Variants in TMEM150C observed in about 807,000 individuals in gnomAD.
TMEM150C encodes tentonin 3.
In TMEM150C, 10 loss-of-function variants were observed where a neutral mutation model predicts 29.9. The observed-to-expected ratio is 0.33, with a 90% confidence interval of 0.21 to 0.57. The LOEUF is 0.57. TMEM150C is among the 20% of genes least tolerant of loss of function. The pLI is 0.88. For missense variants in TMEM150C, 251 were observed against 303.6 expected, an observed-to-expected ratio of 0.83 and a Z score of 1.29; for synonymous variants, 101 against 112.5, an observed-to-expected ratio of 0.90 and a Z score of 0.64.
Position 82,524,495 on chromosome 4 carries a change from C to T in TMEM150C, c.-10-19828G>A, listed in dbSNP as rs376274692. ...CTTCTTTTAAATCGCAAACAAATTA[C>T]TTGCAGCTTTCTTTAGTCTCTGCAG... On this transcript the variant is annotated intron_variant, in intron 1 of 7. Coordinates refer to ENST00000449862, the MANE Select transcript of TMEM150C (RefSeq NM_001080506.3). Among the ~76,000 whole-genome samples, 19 of 152,290 alleles carry T rather than the reference C, an allele frequency of 1.2e-4. 1 individual carries two copies. The highest frequency in any genetic ancestry group is 4.3e-4 in the African/African-American group (18 of 41,552).
At chr4:82,495,962 A>C (rs1184370786) in intron 6 of TMEM150C, 106 bp downstream of exon 6, 1 of 1,426,300 alleles carries the variant, frequency 7.0e-7, no homozygotes. Flanking sequence ...AGGTTTGTGC[A>C]GAATTATATG....
chr4:82,500,693 C>G (rs948772705), intron 5 of TMEM150C, among the ~76,000 whole-genome samples: 2 of 151,966 alleles, frequency 1.3e-5, no homozygotes, highest in African/African-American at 4.8e-5. Context: ...CAATCATAAG[C>G]CTTATAACTG....
At chr4:82,535,720 G>C (rs1295908000) in intron 1 of TMEM150C, among the ~76,000 whole-genome samples, 1 of 152,222 alleles carries the variant, frequency 6.6e-6, no homozygotes, top group Non-Finnish European at 1.5e-5. Flanking sequence ...TTTGTAGTAG[G>C]TTCTAGACTG....
chr4:82,537,044 C>T (rs567622363), intron 1 of TMEM150C, among the ~76,000 whole-genome samples: 7 of 152,274 alleles, frequency 4.6e-5, no homozygotes, highest in East Asian at 1.9e-4. Context: ...TGCAGTGGCT[C>T]GATCTAGGCT....
rs1430358138 is a variant in TMEM150C, at chr4:82,485,976, TG to T, written c.542-258del. ...ATCCTCACAACAATCCTATTATCAT[TG>T]TTTTTGTTTCTCATTTTTACATGTT... On this transcript the variant is annotated intron_variant, in intron 7 of 7. Coordinates refer to ENST00000449862, the MANE Select transcript of TMEM150C (RefSeq NM_001080506.3). Among the ~76,000 whole-genome samples, 3 of 152,192 alleles carry T rather than the reference TG, an allele frequency of 2.0e-5. No homozygotes were observed. The East Asian group carries it at 5.8e-4, about 29-fold the overall frequency.
chr4:82,517,415 T>C (rs1724327231), intron 1 of TMEM150C, among the ~76,000 whole-genome samples: 1 of 152,226 alleles, frequency 6.6e-6, no homozygotes, highest in African/African-American at 2.4e-5. Context: ...AGGATGTTTC[T>C]GTAAGAAATC....
intron 6 of TMEM150C, chr4:82,494,821 T>A (rs987683143): frequency 2.4e-6 from 1 of 418,060 alleles, no homozygotes; most frequent in Non-Finnish European, 4.6e-6. Flanking sequence ...TGATCTTATT[T>A]GTTACTCAAA....
intron 7 of TMEM150C, among the ~76,000 whole-genome samples, chr4:82,488,369 T>A (rs956635171): frequency 1.3e-5 from 2 of 152,348 alleles, no homozygotes; most frequent in South Asian, 2.1e-4. Context: ...ATCTGTGTGA[T>A]CTTGCGCAAA....
In TMEM150C at chr4:82,485,426, G is replaced by T; in HGVS notation, c.*85C>A. On this transcript the variant is annotated 3_prime_UTR_variant, in exon 8 of 8. Coordinates refer to ENST00000449862, the MANE Select transcript of TMEM150C (RefSeq NM_001080506.3). ...TGTGTGTGTGTGTGTGTGAAATGAG[G>T]TTCTATGTCAAGTCCTGTGAGTGTG... The T allele has an allele frequency of 1.4e-5, 13 of 956,026 alleles. No homozygotes were observed. The highest frequency in any genetic ancestry group is 2.8e-4 in the Middle Eastern group (1 of 3,510). The allele number at this position is 956,026 out of a possible 1,614,324, so 59.2% of individuals were successfully genotyped here. A position where few individuals can be genotyped will look rare whatever the true frequency, so the allele number is the denominator to read the frequency against.
intron 5 of TMEM150C, among the ~76,000 whole-genome samples, chr4:82,497,831 G>C: frequency 6.6e-6 from 1 of 152,146 alleles, no homozygotes; most frequent in East Asian, 1.9e-4. Flanking sequence ...TTTTAGGATA[G>C]GAGTAGGAGG....
At chr4:82,515,615 T>C (rs1049450254) in intron 1 of TMEM150C, among the ~76,000 whole-genome samples, 2 of 151,868 alleles carry the variant, frequency 1.3e-5, no homozygotes, top group Non-Finnish European at 2.9e-5. Flanking sequence ...CACGCGCCTA[T>C]AATCCCAGCT....
At chr4:82,539,266 T>C (rs1171768363) in intron 1 of TMEM150C, among the ~76,000 whole-genome samples, 1 of 152,172 alleles carries the variant, frequency 6.6e-6, no homozygotes, top group African/African-American at 2.4e-5. Context: ...GAATGAATAC[T>C]ATTATCATGA....
At chr4:82,541,231 T>G (rs1046177033) in intron 1 of TMEM150C, among the ~76,000 whole-genome samples, 1 of 152,190 alleles carries the variant, frequency 6.6e-6, no homozygotes, top group Non-Finnish European at 1.5e-5. Flanking sequence ...TCCCCAAAGT[T>G]TTCTTATGTA....
chr4:82,514,312 TTTAA>T (rs1229270244), intron 1 of TMEM150C, among the ~76,000 whole-genome samples: 1 of 152,200 alleles, frequency 6.6e-6, no homozygotes, highest in African/African-American at 2.4e-5. Context: ...CAATAGGAGT[TTTAA>T]TTGTGTTTTT....
intron 1 of TMEM150C, among the ~76,000 whole-genome samples, chr4:82,530,504 C>T (rs1295316028): frequency 6.6e-6 from 1 of 152,084 alleles, no homozygotes; most frequent in Non-Finnish European, 1.5e-5. Flanking sequence ...TTGCAGTGAG[C>T]CAAGATCGCG....
At chr4:82,517,575 GCC>G (rs1454103768) in intron 1 of TMEM150C, among the ~76,000 whole-genome samples, 1 of 152,150 alleles carries the variant, frequency 6.6e-6, no homozygotes, top group Admixed American at 6.5e-5. Context: ...ATCTTCTACT[GCC>G]CTTGGACATC....
At chr4:82,522,046 G>C (rs1049114009) in intron 1 of TMEM150C, among the ~76,000 whole-genome samples, 1 of 152,126 alleles carries the variant, frequency 6.6e-6, no homozygotes. Context: ...CTGGACAACA[G>C]AGCGAGAACT....
At chr4:82,543,335 A>G (rs1725250927) in intron 1 of TMEM150C, among the ~76,000 whole-genome samples, 1 of 152,196 alleles carries the variant, frequency 6.6e-6, no homozygotes, top group Admixed American at 6.5e-5. Context: ...CAGTTTAGAG[A>G]TCCAGACAGA....
rs965222358 is a variant in TMEM150C at position 82,484,420 on chromosome 4, A to G, written c.*1091T>C. On this transcript the variant is annotated 3_prime_UTR_variant, in exon 8 of 8. Transcript: ENST00000449862. ...TGAAAAGCCCTTAATCCAAAAAAAA[A>G]AAAAACCCTACTAAATTTGAGCAAA... is the stretch of plus-strand genomic sequence containing the variant. The G allele has an allele frequency of 1.3e-5, 2 of 151,896 alleles. No individual in the cohort carries two copies. The highest frequency in any genetic ancestry group is 4.8e-5 in the African/African-American group (2 of 41,348). 9.4% of individuals were successfully genotyped at this position (151,896 alleles called of 1,614,324 possible).
Sources: gnomAD v4.1 joint callset for allele counts (sites outside exome capture counted in the v4.1 genomes callset) on GRCh38, gnomAD v4.1.1 for gene constraint, MANE v1.5 for transcripts, NCBI Gene and HGNC (gene_info 2026-07-23, HGNC 2026-07-21) for gene names.